Variants in PPP1R14C observed in about 807,000 individuals in gnomAD.
PPP1R14C encodes the protein protein phosphatase 1 regulatory subunit 14C.
In PPP1R14C, 16 loss-of-function variants were observed where a neutral mutation model predicts 20.4. That is an observed-to-expected ratio of 0.78 (90% CI 0.53 to 1.19). The LOEUF (loss-of-function observed/expected upper bound fraction) is 1.19, where lower values mean the gene tolerates loss of function less well. Ranked by LOEUF, PPP1R14C falls within the 50% of genes most tolerant of loss-of-function variation. PPP1R14C has a pLI of 0.00. For missense variants in PPP1R14C, 211 were observed against 220.1 expected, an observed-to-expected ratio of 0.96 and a Z score of 0.26; for synonymous variants, 91 against 91.0, an observed-to-expected ratio of 1.00 and a Z score of 0.00.
rs998845924 is a variant in PPP1R14C at position 150,249,623 on chromosome 6, T to C, written c.*803T>C. Reference sequence around the variant, plus strand: ...AACTAACTTGATTTCTAGAGAAATATCCACACTATCTCAGTGGTATTTTGC... The same window carrying C: ...AACTAACTTGATTTCTAGAGAAATACCCACACTATCTCAGTGGTATTTTGC... On this transcript the variant is annotated 3_prime_UTR_variant, in exon 4 of 4. Coordinates refer to ENST00000361131, the MANE Select transcript of PPP1R14C (RefSeq NM_030949.3). The C allele has an allele frequency of 1.3e-5, 5 of 398,522 alleles. No homozygotes were observed. The highest frequency in any genetic ancestry group is 2.2e-5 in the Non-Finnish European group (5 of 226,062). The allele number at this position is 398,522 out of a possible 1,614,324, so 24.7% of individuals were successfully genotyped here. A position where few individuals can be genotyped will look rare whatever the true frequency, so the allele number is the denominator to read the frequency against.
chr6:150,226,707 ATT>A (rs138373239), intron 3 of PPP1R14C, among the ~76,000 whole-genome samples: 1 of 149,644 alleles, frequency 6.7e-6, no homozygotes, highest in Non-Finnish European at 1.5e-5. Context: ...CCATGCATTT[ATT>A]TTTTTTTTGA....
At chr6:150,181,354 G>A (rs2114878891) in intron 1 of PPP1R14C, among the ~76,000 whole-genome samples, 1 of 152,210 alleles carries the variant, frequency 6.6e-6, no homozygotes, top group Middle Eastern at 3.4e-3. Flanking sequence ...TTTCTGTAGA[G>A]GTTATTATTA....
chr6:150,227,275 C>T (rs1778241453), intron 3 of PPP1R14C, among the ~76,000 whole-genome samples: 1 of 152,130 alleles, frequency 6.6e-6, no homozygotes, highest in African/African-American at 2.4e-5. Flanking sequence ...AAATGTGTAT[C>T]GAATATCTGT....
intron 3 of PPP1R14C, among the ~76,000 whole-genome samples, chr6:150,241,336 C>T (rs1198296824): frequency 6.6e-6 from 1 of 152,184 alleles, no homozygotes; most frequent in African/African-American, 2.4e-5. Context: ...TCTTCATCTG[C>T]TGTTCATCTG....
intron 1 of PPP1R14C, among the ~76,000 whole-genome samples, chr6:150,208,618 C>T (rs1387232925): frequency 2.6e-5 from 4 of 152,290 alleles, no homozygotes; most frequent in Admixed American, 1.3e-4. Context: ...TGCACAACAT[C>T]CCTTTGCTGT....
At chr6:150,152,779 T>G (rs891096099) in intron 1 of PPP1R14C, among the ~76,000 whole-genome samples, 1 of 152,206 alleles carries the variant, frequency 6.6e-6, no homozygotes, top group Non-Finnish European at 1.5e-5. Context: ...CTTGTACCTT[T>G]GCAGCCCTGG....
At chr6:150,210,300 C>A (rs2114906331) in intron 1 of PPP1R14C, among the ~76,000 whole-genome samples, 1 of 152,334 alleles carries the variant, frequency 6.6e-6, no homozygotes, top group Middle Eastern at 3.4e-3. Context: ...TTCTCCAAAA[C>A]CTCTCAGCCT....
chr6:150,236,074 C>T (rs1174327778), intron 3 of PPP1R14C, among the ~76,000 whole-genome samples: 1 of 152,160 alleles, frequency 6.6e-6, no homozygotes, highest in East Asian at 1.9e-4. Flanking sequence ...TTGTGCCCTC[C>T]ACCCCAGGGT....
At chr6:150,162,254 C>T (rs1457855802) in intron 1 of PPP1R14C, among the ~76,000 whole-genome samples, 2 of 152,162 alleles carry the variant, frequency 1.3e-5, no homozygotes, top group African/African-American at 2.4e-5. Flanking sequence ...GGGGTTTCGC[C>T]ATGTTGGCCA....
At chr6:150,171,174 T>C (rs769689035) in intron 1 of PPP1R14C, among the ~76,000 whole-genome samples, 5 of 152,152 alleles carry the variant, frequency 3.3e-5, no homozygotes. Flanking sequence ...TTTGGACAAA[T>C]GTTTAATGAC....
chr6:150,160,317 T>A (rs1182225666), intron 1 of PPP1R14C, among the ~76,000 whole-genome samples: 1 of 140,500 alleles, frequency 7.1e-6, no homozygotes, highest in African/African-American at 2.7e-5. Context: ...CAGGCTGGAG[T>A]GCAGTGGCGC....
chr6:150,197,330 G>A (rs1270197918), intron 1 of PPP1R14C, among the ~76,000 whole-genome samples: 5 of 152,222 alleles, frequency 3.3e-5, no homozygotes, highest in Non-Finnish European at 5.9e-5. Context: ...AGCCACTGTC[G>A]TTGGTCTAGG....
intron 1 of PPP1R14C, among the ~76,000 whole-genome samples, chr6:150,206,010 G>A (rs1777945584): frequency 6.6e-6 from 1 of 152,008 alleles, no homozygotes; most frequent in African/African-American, 2.4e-5. Flanking sequence ...CACGGTACAA[G>A]TCAGAGGCTT....
At chr6:150,229,084 A>G (rs577237748) in intron 3 of PPP1R14C, among the ~76,000 whole-genome samples, 1 of 152,304 alleles carries the variant, frequency 6.6e-6, no homozygotes, top group Non-Finnish European at 1.5e-5. Flanking sequence ...CTCTCTTCCT[A>G]TGCTTAGACT....
intron 1 of PPP1R14C, among the ~76,000 whole-genome samples, chr6:150,161,015 C>T (rs1309644279): frequency 1.3e-5 from 2 of 152,096 alleles, no homozygotes; most frequent in Non-Finnish European, 1.5e-5. Context: ...TGCGGTGGCT[C>T]ATGCCTGTAA....
chr6:150,239,330 A>G (rs1778405296), intron 3 of PPP1R14C, among the ~76,000 whole-genome samples: 1 of 152,202 alleles, frequency 6.6e-6, no homozygotes, highest in Non-Finnish European at 1.5e-5. Context: ...ATATTCTGGG[A>G]CAGAAAGCAA....
intron 1 of PPP1R14C, among the ~76,000 whole-genome samples, chr6:150,190,308 G>A (rs149638870): frequency 1.1e-4 from 17 of 151,934 alleles, no homozygotes; most frequent in African/African-American, 3.6e-4. Context: ...CCCAGCCCCT[G>A]ATCTTCAACC....
chr6:150,194,729 A>G, intron 1 of PPP1R14C: 1 of 985,406 alleles, frequency 1.0e-6, no homozygotes, highest in South Asian at 4.7e-5. Flanking sequence ...TAAAACGTAA[A>G]AGAGGCTCTT....
At chr6:150,243,682 A>C (rs976546500) in intron 3 of PPP1R14C, among the ~76,000 whole-genome samples, 23 of 152,320 alleles carry the variant, frequency 1.5e-4, no homozygotes, top group Middle Eastern at 3.4e-3. Flanking sequence ...TATTTACACA[A>C]AAGAAATGGA....
Sources: allele counts gnomAD v4.1 joint callset (sites outside exome capture counted in the v4.1 genomes callset), GRCh38; gene constraint gnomAD v4.1.1; transcripts MANE v1.5; gene names NCBI Gene and HGNC (gene_info 2026-07-23, HGNC 2026-07-21).